The following ANO4 variants were observed in gnomAD, a reference collection of about 807,000 sequenced individuals.
ANO4 encodes the protein anoctamin-4.
ANO4 carries 69 observed loss-of-function variants against 141.9 expected under a neutral mutation model. That is an observed-to-expected ratio of 0.49 (90% CI 0.40 to 0.59). ANO4 has a LOEUF of 0.59. Ranked by LOEUF, ANO4 falls within the 20% of genes least tolerant of loss-of-function variation. The pLI is 0.00. For synonymous variants in ANO4, 350 were observed against 394.3 expected (o/e 0.89, Z 1.33); for missense variants, 894 against 1,162.2 (o/e 0.77, Z 3.36).
intron 1 of ANO4, among the ~76,000 whole-genome samples, chr12:100,875,583 A>G (rs1164937315): frequency 1.3e-5 from 2 of 152,204 alleles, no homozygotes; most frequent in African/African-American, 4.8e-5. Flanking sequence ...AGCCTCATTC[A>G]CCCAATTTCC....
At chr12:101,087,170 A>C (rs1264681839) in intron 17 of ANO4, among the ~76,000 whole-genome samples, 2 of 152,166 alleles carry the variant, frequency 1.3e-5, no homozygotes, top group Non-Finnish European at 2.9e-5. Context: ...ACAGCATTGC[A>C]ATGTTGGTTC....
At chr12:101,098,562 G>C (rs1430109716) in intron 21 of ANO4, among the ~76,000 whole-genome samples, 1 of 152,142 alleles carries the variant, frequency 6.6e-6, no homozygotes, top group Non-Finnish European at 1.5e-5. Context: ...GTGGGAACTT[G>C]GTTCACTTCA....
Position 101,079,250 on chromosome 12 carries a change from A to T in ANO4, c.1370A>T (p.Asp457Val). The T allele has an allele frequency of 1.2e-6, 2 of 1,613,908 alleles. No individual in the cohort carries two copies. Among genetic ancestry groups the T allele is most frequent in the Non-Finnish European group, 1.7e-6 (2 of 1,179,858 alleles). ...CGAGCAGTAATTGCTTATGACTGGG[A>T]TTTGATAGACTGGGAAGAAGAGGAG... Reference protein sequence around the residue: ...RRRAVIAYDWDLIDWEEEEEE... With the variant: ...RRRAVIAYDWVLIDWEEEEEE... The change falls in exon 15 of 28, where the codon GAT (aspartate) becomes GTT (valine). Residue 457 changes from aspartate to valine, a missense_variant. By Grantham distance (152) the Asp-to-Val change is radical (BLOSUM62 -3). Transcript: ENST00000392977.
intron 13 of ANO4, among the ~76,000 whole-genome samples, chr12:101,047,482 C>A (rs1222847468): frequency 6.6e-6 from 1 of 152,116 alleles, no homozygotes; most frequent in Non-Finnish European, 1.5e-5. Flanking sequence ...ATCTGAAATA[C>A]TTCACGTTCT....
rs535565657 is a variant in ANO4, at chr12:100,777,397, G to A, written c.358+37292G>A. 1.0e-4 allele frequency among the ~76,000 whole-genome samples: 15 copies of A among 150,228 alleles called. 1 individual carries two copies. Among genetic ancestry groups the A allele is most frequent in the African/African-American group, 3.2e-4 (13 of 40,838 alleles). ...GCCTCCCAAAGTGCTGGGATTACAG[G>A]CATGAGCCACCATGCCCAGCCCACG... On this transcript the variant is annotated intron_variant, in intron 3 of 29. Transcript: ENST00000644049.
At chr12:100,824,540 C>T (rs537533258) in intron 1 of ANO4, among the ~76,000 whole-genome samples, 1 of 152,106 alleles carries the variant, frequency 6.6e-6, no homozygotes, top group African/African-American at 2.4e-5. Context: ...GACTTCCAGA[C>T]TCAGGGTACA....
intron 14 of ANO4, among the ~76,000 whole-genome samples, chr12:101,054,480 T>C (rs2048015522): frequency 6.6e-6 from 1 of 152,234 alleles, no homozygotes; most frequent in Non-Finnish European, 1.5e-5. Flanking sequence ...AGCATCACCA[T>C]AATGATGATA....
At chr12:101,035,483 G>A (rs901028417) in intron 9 of ANO4, among the ~76,000 whole-genome samples, 2 of 152,096 alleles carry the variant, frequency 1.3e-5, no homozygotes, top group East Asian at 1.9e-4. Flanking sequence ...TACTTATGTC[G>A]AAACATCTAA....
At chr12:101,002,396 T>C (rs2045685849) in intron 8 of ANO4, among the ~76,000 whole-genome samples, 2 of 152,238 alleles carry the variant, frequency 1.3e-5, no homozygotes, top group South Asian at 4.1e-4. Context: ...CATTGCTTCC[T>C]TGCTTAACAG....
Position 100,987,489 on chromosome 12 carries a change from G to A in ANO4, c.603-50G>A, listed in dbSNP as rs1218248878. 5 of 1,594,306 alleles carry A rather than the reference G, an allele frequency of 3.1e-6. No homozygotes were observed. The African/African-American group carries it at 4.0e-5, about 13-fold the overall frequency. On this transcript the variant is annotated intron_variant, in intron 7 of 27. Transcript: ENST00000392977. The stretch of plus-strand genomic sequence containing the variant: ...CGGAGACCTTCCTCCTGTGTTTCAG[G>A]GCATTGCTGACATGCTGTACCCTTT...
chr12:101,010,462 C>A (rs981282363), intron 8 of ANO4, among the ~76,000 whole-genome samples: 5 of 152,112 alleles, frequency 3.3e-5, no homozygotes, highest in African/African-American at 7.2e-5. Context: ...ATAGTCAGAA[C>A]TTTCAATGTT....
chr12:101,083,868 C>G (rs200188083), intron 16 of ANO4, 50 bp downstream of exon 16: 2 of 1,447,932 alleles, frequency 1.4e-6, no homozygotes, highest in African/African-American at 2.9e-5. Context: ...AAACCTATAG[C>G]ATAATAACAG....
intron 9 of ANO4, among the ~76,000 whole-genome samples, chr12:101,029,345 T>C (rs1470731443): frequency 6.6e-6 from 1 of 152,110 alleles, no homozygotes; most frequent in Non-Finnish European, 1.5e-5. Context: ...TAACCTTACA[T>C]GTAAATGGGC....
At chr12:100,950,714 G>A (rs1027598314) in intron 5 of ANO4, among the ~76,000 whole-genome samples, 4 of 152,150 alleles carry the variant, frequency 2.6e-5, no homozygotes, top group African/African-American at 9.7e-5. Flanking sequence ...TTTCAGACAC[G>A]GGCCCCCACG....
intron 2 of ANO4, among the ~76,000 whole-genome samples, chr12:100,913,703 C>T (rs1182530360): frequency 6.6e-6 from 1 of 152,184 alleles, no homozygotes; most frequent in East Asian, 1.9e-4. Context: ...CAGGATTATA[C>T]AACTATAACT....
At chr12:100,719,843 C>T (rs1406468118) in intron 1 of ANO4, among the ~76,000 whole-genome samples, 5 of 152,080 alleles carry the variant, frequency 3.3e-5, no homozygotes, top group Non-Finnish European at 5.9e-5. Context: ...TTGCTCTTTC[C>T]GCATTTTAGT....
intron 1 of ANO4, among the ~76,000 whole-genome samples, chr12:100,879,331 A>T (rs1011647786): frequency 2.0e-5 from 3 of 152,222 alleles, no homozygotes; most frequent in African/African-American, 7.2e-5. Context: ...GAAATTAAGC[A>T]GTGTGGAGGT....
chr12:101,125,419 A>T (rs1179822611), intron 26 of ANO4, among the ~76,000 whole-genome samples: 1 of 152,162 alleles, frequency 6.6e-6, no homozygotes, highest in African/African-American at 2.4e-5. Flanking sequence ...CAAAAAAAAG[A>T]TAATTTGACT....
At chr12:100,729,456 A>T (rs533542484) in intron 1 of ANO4, among the ~76,000 whole-genome samples, 1 of 151,274 alleles carries the variant, frequency 6.6e-6, no homozygotes, top group South Asian at 2.1e-4. Flanking sequence ...TCATGTATTA[A>T]ATAATTGAAT....
Sources: allele counts gnomAD v4.1 joint callset (sites outside exome capture counted in the v4.1 genomes callset), GRCh38; gene constraint gnomAD v4.1.1; transcripts MANE v1.5; gene names NCBI Gene and HGNC (gene_info 2026-07-23, HGNC 2026-07-21).